Variants in NRG3 observed in about 807,000 individuals in gnomAD.
NRG3 encodes the protein pro-neuregulin-3, membrane-bound isoform.
A neutral mutation model predicts 66.9 loss-of-function variants in NRG3; 31 were observed. The ratio of observed to expected loss-of-function variants is 0.46; its 90% confidence interval spans 0.35 to 0.63. The LOEUF (loss-of-function observed/expected upper bound fraction) is 0.63, where lower values mean the gene tolerates loss of function less well. Among genes scored for constraint, NRG3 ranks in the 20% least tolerant of loss-of-function variants. NRG3 has a pLI of 0.00. For synonymous variants in NRG3, 393 were observed against 359.4 expected (o/e 1.09, Z -1.06); for missense variants, 910 against 878.9 (o/e 1.04, Z -0.45).
chr10:82,572,711 A>G (rs2045813795), intron 2 of NRG3, among the ~76,000 whole-genome samples: 1 of 151,644 alleles, frequency 6.6e-6, no homozygotes, highest in African/African-American at 2.4e-5. Context: ...AATGTAAAAA[A>G]TGTGAATACC....
At chr10:82,177,630 C>A (rs2073128758) in intron 1 of NRG3, among the ~76,000 whole-genome samples, 1 of 152,140 alleles carries the variant, frequency 6.6e-6, no homozygotes, top group South Asian at 2.1e-4. Flanking sequence ...CTAGAGTACA[C>A]TGGAGAAATC....
chr10:82,668,262 T>C (rs1591092146), intron 2 of NRG3, among the ~76,000 whole-genome samples: 1 of 152,228 alleles, frequency 6.6e-6, no homozygotes, highest in Admixed American at 6.5e-5. Context: ...CTATTTATGA[T>C]ACAGTTGGCT....
At chr10:82,114,555 C>T (rs759453882) in intron 1 of NRG3, among the ~76,000 whole-genome samples, 4 of 151,998 alleles carry the variant, frequency 2.6e-5, no homozygotes, top group Non-Finnish European at 5.9e-5. Flanking sequence ...ACAAGCATGT[C>T]GTCAAAAGTG....
intron 1 of NRG3, among the ~76,000 whole-genome samples, chr10:82,326,242 T>A (rs2081866329): frequency 6.6e-6 from 1 of 152,172 alleles, no homozygotes; most frequent in Non-Finnish European, 1.5e-5. Context: ...CTGTTGCAAA[T>A]GTTTATAAGA....
intron 1 of NRG3, among the ~76,000 whole-genome samples, chr10:82,295,520 A>AATC (rs2080012284): frequency 6.6e-6 from 1 of 152,078 alleles, no homozygotes; most frequent in Admixed American, 6.5e-5. Flanking sequence ...TCACTATTAG[A>AATC]ATCTGAGGGA....
chr10:81,998,068 T>C (rs1239490515), intron 1 of NRG3, among the ~76,000 whole-genome samples: 1 of 152,142 alleles, frequency 6.6e-6, no homozygotes, highest in Non-Finnish European at 1.5e-5. Flanking sequence ...ACTTCTGGCT[T>C]CCTTCCCTGA....
chr10:82,176,038 A>G (rs570559567), intron 1 of NRG3, among the ~76,000 whole-genome samples: 2 of 152,302 alleles, frequency 1.3e-5, no homozygotes, highest in African/African-American at 4.8e-5. Flanking sequence ...AAACGTGTTC[A>G]TAAGACATTA....
intron 4 of NRG3, among the ~76,000 whole-genome samples, chr10:82,948,033 A>T (rs755060424): frequency 4.0e-5 from 6 of 151,826 alleles, no homozygotes; most frequent in Non-Finnish European, 7.4e-5. Context: ...TTTTCTTCTA[A>T]TTTTGTAGTT....
At chr10:82,477,180 G>C (rs953314602) in intron 2 of NRG3, among the ~76,000 whole-genome samples, 4 of 152,134 alleles carry the variant, frequency 2.6e-5, no homozygotes, top group African/African-American at 9.7e-5. Flanking sequence ...TCCCCAGAAT[G>C]CACCAGGAGA....
intron 1 of NRG3, among the ~76,000 whole-genome samples, chr10:82,317,987 A>T (rs759874933): frequency 6.6e-6 from 1 of 152,110 alleles, no homozygotes; most frequent in Non-Finnish European, 1.5e-5. Flanking sequence ...AGGCAGAGTA[A>T]AAATTCAGGG....
intron 2 of NRG3, among the ~76,000 whole-genome samples, chr10:82,451,062 A>T (rs1351759920): frequency 6.6e-6 from 1 of 152,228 alleles, no homozygotes; most frequent in Non-Finnish European, 1.5e-5. Flanking sequence ...GCAATATAAT[A>T]GTAAGCAGTT....
chr10:81,896,238 G>A (rs1290358489), intron 1 of NRG3, among the ~76,000 whole-genome samples: 1 of 152,016 alleles, frequency 6.6e-6, no homozygotes, highest in Non-Finnish European at 1.5e-5. Context: ...CGGAAGCGTG[G>A]GATGCTCAGT....
intron 4 of NRG3, among the ~76,000 whole-genome samples, chr10:82,924,655 A>G (rs1846803101): frequency 6.6e-6 from 1 of 152,026 alleles, no homozygotes; most frequent in African/African-American, 2.4e-5. Flanking sequence ...GACCAGTAGC[A>G]TTCAAAGCTA....
At chr10:82,132,795 A>G (rs895578239) in intron 1 of NRG3, among the ~76,000 whole-genome samples, 12 of 151,092 alleles carry the variant, frequency 7.9e-5, no homozygotes, top group African/African-American at 2.4e-4. Flanking sequence ...TCATGTTTCA[A>G]TCTTGGTAGG....
At chr10:81,971,975 A>G (rs2059950884) in intron 1 of NRG3, among the ~76,000 whole-genome samples, 2 of 152,164 alleles carry the variant, frequency 1.3e-5, no homozygotes, top group African/African-American at 4.8e-5. Context: ...GGAAATAACT[A>G]CCCAAAATGG....
chr10:82,066,393 T>C (rs567563994), intron 1 of NRG3, among the ~76,000 whole-genome samples: 170 of 152,350 alleles, frequency 1.1e-3, no homozygotes, highest in Non-Finnish European at 2.0e-3. Context: ...TGTCTATCAG[T>C]AAATTTGTAG....
intron 1 of NRG3, among the ~76,000 whole-genome samples, chr10:82,086,424 A>T (rs994231059): frequency 6.6e-6 from 1 of 151,920 alleles, no homozygotes; most frequent in African/African-American, 2.4e-5. Flanking sequence ...TTTTTTAAAG[A>T]CTGTACTCCT....
chr10:82,858,942 CTTT>C (rs534067829), intron 3 of NRG3, among the ~76,000 whole-genome samples: 35 of 124,230 alleles, frequency 2.8e-4, no homozygotes, highest in Non-Finnish European at 5.3e-4. Flanking sequence ...AGTAGTCTAA[CTTT>C]TTTTTTTTTT....
chr10:82,207,249 C>T (rs1401022553), intron 1 of NRG3, among the ~76,000 whole-genome samples: 1 of 152,072 alleles, frequency 6.6e-6, no homozygotes, highest in Non-Finnish European at 1.5e-5. Context: ...TTATTTTTGG[C>T]ACTTTTTTAG....
Sources: gnomAD v4.1 joint callset for allele counts (sites outside exome capture counted in the v4.1 genomes callset) on GRCh38, gnomAD v4.1.1 for gene constraint, MANE v1.5 for transcripts, NCBI Gene and HGNC (gene_info 2026-07-23, HGNC 2026-07-21) for gene names.